The following DLGAP2 variants were observed in gnomAD, a reference collection of about 807,000 sequenced individuals.
The protein encoded by DLGAP2 is disks large-associated protein 2.
In DLGAP2, 26 loss-of-function variants were observed where a neutral mutation model predicts 100.3. That is an observed-to-expected ratio of 0.26 (90% confidence interval 0.19 to 0.36). DLGAP2 has a LOEUF of 0.36. DLGAP2 is among the 10% of genes least tolerant of loss of function. The probability of loss-of-function intolerance (pLI) is 1.00; values close to 1 mark genes in which losing one functional copy is unlikely to be tolerated. For synonymous variants in DLGAP2, 886 were observed against 630.1 expected, an observed-to-expected ratio of 1.41 and a Z score of -6.08; for missense variants, 1,858 against 1,453.2, an observed-to-expected ratio of 1.28 and a Z score of -4.53.
chr8:1,055,742 AC>A (rs1802863854), intron 2 of DLGAP2, among the ~76,000 whole-genome samples: 1 of 152,132 alleles, frequency 6.6e-6, no homozygotes. Context: ...GGCAGCCAGC[AC>A]CGTTGCCATG....
chr8:1,338,275 AG>A (rs1406465450), intron 3 of DLGAP2, among the ~76,000 whole-genome samples: 4 of 152,262 alleles, frequency 2.6e-5, no homozygotes, highest in Non-Finnish European at 5.9e-5. Flanking sequence ...TGGAAACAGC[AG>A]ATGTTCCCCA....
intron 3 of DLGAP2, among the ~76,000 whole-genome samples, chr8:1,314,333 C>G (rs1437901731): frequency 6.6e-6 from 1 of 152,174 alleles, no homozygotes; most frequent in Non-Finnish European, 1.5e-5. Flanking sequence ...ACACTGCAGC[C>G]AACTGAAGTG....
At chr8:1,665,528 A>C (rs556307859) in intron 8 of DLGAP2, among the ~76,000 whole-genome samples, 1 of 144,736 alleles carries the variant, frequency 6.9e-6, no homozygotes, top group Non-Finnish European at 1.5e-5. Context: ...CAAACTTGCC[A>C]AAGAAAAATA....
In DLGAP2 at chr8:1,008,963, A is replaced by G. The variant is rs1233158276; in HGVS notation, c.73+100997A>G. On this transcript the variant is annotated intron_variant, in intron 2 of 14. Coordinates refer to ENST00000637795, the MANE Select transcript of DLGAP2 (RefSeq NM_001346810.2). ...CAGCAGCACCCAGAGGCTCCTGGGT[A>G]TGCAGAATCGCACTGCCATGGCCAG... Among the ~76,000 whole-genome samples the G allele has an allele frequency of 5.2e-5, 8 of 152,386 alleles. No individual in the cohort carries two copies. The East Asian group carries it at 1.3e-3, about 26-fold the overall frequency.
At chr8:962,611 G>A (rs934125800) in intron 2 of DLGAP2, among the ~76,000 whole-genome samples, 6 of 152,140 alleles carry the variant, frequency 3.9e-5, no homozygotes, top group Admixed American at 2.0e-4. Context: ...CCCGCCCTCC[G>A]AGAGGGGAGT....
chr8:1,064,307 G>A (rs1803178146), intron 2 of DLGAP2, among the ~76,000 whole-genome samples: 2 of 152,206 alleles, frequency 1.3e-5, no homozygotes, highest in Non-Finnish European at 2.9e-5. Context: ...TGTATATACA[G>A]TGTTCAGATT....
At chr8:1,241,622 C>G (rs1261931733) in intron 2 of DLGAP2, among the ~76,000 whole-genome samples, 1 of 152,264 alleles carries the variant, frequency 6.6e-6, no homozygotes, top group East Asian at 1.9e-4. Flanking sequence ...CCACACTGGT[C>G]TTAGGCATTT....
intron 2 of DLGAP2, among the ~76,000 whole-genome samples, chr8:908,933 G>T (rs1173255140): frequency 6.6e-6 from 1 of 152,192 alleles, no homozygotes; most frequent in Non-Finnish European, 1.5e-5. Flanking sequence ...AATTTAATTT[G>T]TTGGGATTTA....
chr8:1,686,329 A>G (rs1422548926), intron 12 of DLGAP2, among the ~76,000 whole-genome samples: 3 of 152,234 alleles, frequency 2.0e-5, no homozygotes, highest in Admixed American at 6.5e-5. Context: ...ATGTTAAGTG[A>G]GATAAGCCAG....
intron 3 of DLGAP2, among the ~76,000 whole-genome samples, chr8:1,319,412 T>G (rs1800843605): frequency 6.6e-6 from 1 of 152,164 alleles, no homozygotes; most frequent in African/African-American, 2.4e-5. Context: ...TTCTAGGAAA[T>G]GAGTGTGTCT....
At chr8:1,537,595 G>A (rs76279179) in intron 4 of DLGAP2, among the ~76,000 whole-genome samples, 1,966 of 152,160 alleles carry the variant, frequency 0.013, 53 homozygotes, top group African/African-American at 0.045. Flanking sequence ...TCTTGCTTCC[G>A]TAGGACAGGG....
intron 2 of DLGAP2, among the ~76,000 whole-genome samples, chr8:1,186,979 A>G (rs1797518412): frequency 6.6e-6 from 1 of 152,016 alleles, no homozygotes; most frequent in Admixed American, 6.6e-5. Flanking sequence ...TTTCCATCAC[A>G]CCCGTTAATT....
intron 2 of DLGAP2, among the ~76,000 whole-genome samples, chr8:1,231,559 G>A (rs117420075): frequency 0.014 from 2,159 of 152,256 alleles, 30 homozygotes; most frequent in South Asian, 0.069. Context: ...CACTACTCAC[G>A]ATAGCAAAGA....
At chr8:807,090 A>G (rs1312792785) in intron 1 of DLGAP2, among the ~76,000 whole-genome samples, 1 of 152,228 alleles carries the variant, frequency 6.6e-6, no homozygotes, top group African/African-American at 2.4e-5. Context: ...AGATTCTGCC[A>G]CGCACTTCTG....
chr8:1,163,975 G>C (rs953120613), intron 2 of DLGAP2, among the ~76,000 whole-genome samples: 3 of 152,234 alleles, frequency 2.0e-5, no homozygotes, highest in Admixed American at 6.5e-5. Flanking sequence ...TCCTAGACGA[G>C]AGCCCTCTAA....
intron 1 of DLGAP2, among the ~76,000 whole-genome samples, chr8:877,398 CTTG>C (rs1421695794): frequency 6.6e-6 from 1 of 152,150 alleles, no homozygotes; most frequent in Non-Finnish European, 1.5e-5. Context: ...GATGTGGCTC[CTTG>C]TTGGGGGCAG....
chr8:1,188,135 C>G (rs1343985552), intron 2 of DLGAP2, among the ~76,000 whole-genome samples: 1 of 130,022 alleles, frequency 7.7e-6, no homozygotes, highest in South Asian at 2.6e-4. Context: ...CACGGAATCT[C>G]GCACGCCCGG....
intron 2 of DLGAP2, among the ~76,000 whole-genome samples, chr8:926,020 C>T (rs987038327): frequency 6.6e-6 from 1 of 152,210 alleles, no homozygotes; most frequent in Non-Finnish European, 1.5e-5. Flanking sequence ...GGGCTCCGGG[C>T]CGCTCGGGGG....
intron 4 of DLGAP2, among the ~76,000 whole-genome samples, chr8:1,529,047 C>T (rs4457358): frequency 6.6e-6 from 1 of 151,768 alleles, no homozygotes; most frequent in Non-Finnish European, 1.5e-5. Flanking sequence ...GTCTGTTGTC[C>T]TACTGCTTTA....
Sources: gnomAD v4.1 joint callset for allele counts (sites outside exome capture counted in the v4.1 genomes callset) on GRCh38, gnomAD v4.1.1 for gene constraint, MANE v1.5 for transcripts, NCBI Gene and HGNC (gene_info 2026-07-23, HGNC 2026-07-21) for gene names.